MACROD2: variants seen among roughly 807,000 people sequenced by gnomAD.
The protein encoded by MACROD2 is ADP-ribose glycohydrolase MACROD2.
A neutral mutation model predicts 70.4 loss-of-function variants in MACROD2; 36 were observed. That is an observed-to-expected ratio of 0.51 (90% confidence interval 0.39 to 0.68). The LOEUF (loss-of-function observed/expected upper bound fraction) is 0.68. Among genes scored for constraint, MACROD2 ranks in the 30% least tolerant of loss-of-function variants. The pLI is 0.00. For missense variants in MACROD2, 496 were observed against 538.4 expected (o/e 0.92, Z 0.78); for synonymous variants, 172 against 178.8 (o/e 0.96, Z 0.30).
At chr20:15,345,317 A>G (rs2078154086) in intron 6 of MACROD2, among the ~76,000 whole-genome samples, 2 of 152,202 alleles carry the variant, frequency 1.3e-5, no homozygotes, top group South Asian at 2.1e-4. Flanking sequence ...TGTGCCAATT[A>G]CTGTCCTAGG....
chr20:14,724,954 A>C (rs952738718), intron 5 of MACROD2, among the ~76,000 whole-genome samples: 2 of 152,188 alleles, frequency 1.3e-5, no homozygotes, highest in African/African-American at 4.8e-5. Flanking sequence ...GGCTACTGCA[A>C]TAGCCCAGAT....
chr20:14,734,391 C>T (rs2071633498), intron 5 of MACROD2, among the ~76,000 whole-genome samples: 1 of 150,440 alleles, frequency 6.6e-6, no homozygotes, highest in Non-Finnish European at 1.5e-5. Flanking sequence ...GTCCCAGCTA[C>T]TCAGGAGGCT....
At chr20:15,718,653 G>C (rs1464063454) in intron 8 of MACROD2, among the ~76,000 whole-genome samples, 1 of 152,222 alleles carries the variant, frequency 6.6e-6, no homozygotes, top group Admixed American at 6.5e-5. Context: ...CCAGAGGGAA[G>C]AGGTAGGAAG....
chr20:15,800,752 G>A (rs1216307167), intron 8 of MACROD2, among the ~76,000 whole-genome samples: 1 of 152,130 alleles, frequency 6.6e-6, no homozygotes, highest in Non-Finnish European at 1.5e-5. Context: ...AGAAAGGGGG[G>A]AAAGGAGGGG....
At chr20:15,243,235 C>T (rs2077075597) in intron 6 of MACROD2, among the ~76,000 whole-genome samples, 1 of 152,188 alleles carries the variant, frequency 6.6e-6, no homozygotes, top group South Asian at 2.1e-4. Flanking sequence ...TGGTGCATCA[C>T]AGCACGAACT....
chr20:15,277,814 G>C (rs1284790827), intron 6 of MACROD2, among the ~76,000 whole-genome samples: 3 of 152,200 alleles, frequency 2.0e-5, no homozygotes, highest in African/African-American at 7.2e-5. Context: ...AAGAAAGGGA[G>C]AGAGGGAGGA....
chr20:14,050,457 C>T (rs2053549644), intron 2 of MACROD2, among the ~76,000 whole-genome samples: 1 of 152,142 alleles, frequency 6.6e-6, no homozygotes, highest in South Asian at 2.1e-4. Flanking sequence ...CCGCATTGAG[C>T]CTGAAATCTG....
chr20:15,924,138 T>C (rs1223804818), intron 10 of MACROD2, among the ~76,000 whole-genome samples: 2 of 152,218 alleles, frequency 1.3e-5, no homozygotes, highest in African/African-American at 2.4e-5. Flanking sequence ...TCTTTAAAGT[T>C]TTATTCCTAC....
At chr20:14,263,385 C>T (rs1448135464) in intron 3 of MACROD2, among the ~76,000 whole-genome samples, 4 of 152,158 alleles carry the variant, frequency 2.6e-5, no homozygotes, top group African/African-American at 9.6e-5. Context: ...GGAGTGGAAG[C>T]TAGAACCATG....
intron 5 of MACROD2, among the ~76,000 whole-genome samples, chr20:14,876,779 G>A (rs2074815851): frequency 6.6e-6 from 1 of 152,114 alleles, no homozygotes; most frequent in Admixed American, 6.5e-5. Flanking sequence ...TTGTAGGTGT[G>A]TGGCTGTGTT....
intron 8 of MACROD2, among the ~76,000 whole-genome samples, chr20:15,820,586 G>T (rs939081089): frequency 3.9e-5 from 6 of 152,122 alleles, no homozygotes; most frequent in African/African-American, 7.2e-5. Flanking sequence ...TGCTAAAATT[G>T]TACCTATTCT....
chr20:14,961,378 G>A (rs576763058), intron 5 of MACROD2, among the ~76,000 whole-genome samples: 2 of 152,178 alleles, frequency 1.3e-5, no homozygotes, highest in Admixed American at 1.3e-4. Context: ...GTGAATTTAG[G>A]CAGAATCAAA....
At chr20:15,852,272 GA>G (rs1168274774) in intron 8 of MACROD2, among the ~76,000 whole-genome samples, 2 of 152,128 alleles carry the variant, frequency 1.3e-5, no homozygotes, top group African/African-American at 4.8e-5. Context: ...TTGAGTTGAA[GA>G]AAAGTCAAGA....
At chr20:15,963,235 AG>A (rs11479628) in intron 12 of MACROD2, among the ~76,000 whole-genome samples, 17,728 of 152,150 alleles carry the variant, frequency 0.12, 1,233 homozygotes, top group South Asian at 0.26. Flanking sequence ...TACGCATTAC[AG>A]AGAAAGACTA....
At chr20:15,122,493 G>C (rs964450767) in intron 5 of MACROD2, among the ~76,000 whole-genome samples, 1 of 152,130 alleles carries the variant, frequency 6.6e-6, no homozygotes, top group Non-Finnish European at 1.5e-5. Context: ...TCAACAGAGA[G>C]GTATTTCTAC....
intron 17 of MACROD2, among the ~76,000 whole-genome samples, chr20:16,048,120 A>T (rs1332281889): frequency 6.6e-6 from 1 of 152,226 alleles, no homozygotes; most frequent in East Asian, 1.9e-4. Context: ...TGGCAAATGG[A>T]AATATGAAAC....
At chr20:15,089,420 C>T (rs766464510) in intron 5 of MACROD2, among the ~76,000 whole-genome samples, 1 of 152,128 alleles carries the variant, frequency 6.6e-6, no homozygotes, top group Non-Finnish European at 1.5e-5. Context: ...GAAAATTCAG[C>T]AGCACTGATT....
chr20:15,129,433 C>G (rs79542566), intron 5 of MACROD2, among the ~76,000 whole-genome samples: 5,413 of 152,128 alleles, frequency 0.036, 131 homozygotes, highest in Non-Finnish European at 0.047. Context: ...AACCCCAATT[C>G]CTTGCACAGA....
At chr20:15,154,960 A>C (rs945916529) in intron 5 of MACROD2, among the ~76,000 whole-genome samples, 4 of 152,222 alleles carry the variant, frequency 2.6e-5, no homozygotes, top group African/African-American at 9.6e-5. Flanking sequence ...ATCTGTAGCC[A>C]GACTCCCTAG....
Sources: allele counts gnomAD v4.1 joint callset (sites outside exome capture counted in the v4.1 genomes callset), GRCh38; gene constraint gnomAD v4.1.1; transcripts MANE v1.5; gene names NCBI Gene and HGNC (gene_info 2026-07-23, HGNC 2026-07-21).